CHRM5: variants seen among roughly 807,000 people sequenced by gnomAD.
CHRM5 encodes muscarinic acetylcholine receptor M5.
CHRM5 carries 18 observed loss-of-function variants against 39.0 expected under a neutral mutation model. That is an observed-to-expected ratio of 0.46 (90% CI 0.32 to 0.68). The LOEUF (loss-of-function observed/expected upper bound fraction) is 0.68, where lower values mean the gene tolerates loss of function less well. CHRM5 is among the 30% of genes least tolerant of loss of function. The probability of loss-of-function intolerance (pLI) is 0.04; values close to 1 mark genes in which losing one functional copy is unlikely to be tolerated. For missense variants in CHRM5, 515 were observed against 651.1 expected, an observed-to-expected ratio of 0.79 and a Z score of 2.28; for synonymous variants, 241 against 246.3, an observed-to-expected ratio of 0.98 and a Z score of 0.20.
rs991828180 is a variant in CHRM5, at chr15:34,031,151, A to C, written c.-407-15389A>C. Reference sequence around the variant, plus strand: ...TTTGTAACAGCCTATTATCCCAATTATGCTTTGCTTAGGTTAATTTTTTTT... The same window carrying C: ...TTTGTAACAGCCTATTATCCCAATTCTGCTTTGCTTAGGTTAATTTTTTTT... On this transcript the variant is annotated intron_variant, in intron 1 of 2. Transcript: ENST00000383263. Among the ~76,000 whole-genome samples, 7 of 130,496 alleles carry C rather than the reference A, an allele frequency of 5.4e-5. No individual in the cohort carries two copies. The East Asian group carries it at 1.6e-3, about 29-fold the overall frequency. 85.6% of individuals were successfully genotyped at this position (130,496 alleles called of 152,430 possible). A position where few individuals can be genotyped will look rare whatever the true frequency, so the allele number is the denominator to read the frequency against.
At chr15:34,043,430 G>A (rs911733340) in intron 1 of CHRM5, among the ~76,000 whole-genome samples, 6 of 152,040 alleles carry the variant, frequency 3.9e-5, no homozygotes, top group African/African-American at 7.2e-5. Context: ...CTAGTTTCTC[G>A]TGCTTAATAT....
chr15:33,987,946 C>T (rs1374888659), intron 1 of CHRM5, among the ~76,000 whole-genome samples: 1 of 152,222 alleles, frequency 6.6e-6, no homozygotes, highest in Non-Finnish European at 1.5e-5. Flanking sequence ...TTCTCTGTGA[C>T]TGTCTACACA....
At chr15:34,003,075 C>T (rs1465618932) in intron 1 of CHRM5, 13 of 1,614,016 alleles carry the variant, frequency 8.1e-6, no homozygotes, top group Non-Finnish European at 1.1e-5. Flanking sequence ...CCCTCTGTGA[C>T]TCTCCACTTT....
chr15:34,053,317 AAAATAT>A (rs1461072977), intron 2 of CHRM5, among the ~76,000 whole-genome samples: 1 of 73,814 alleles, frequency 1.4e-5, no homozygotes, highest in Non-Finnish European at 2.8e-5. Flanking sequence ...AAAAAAAAAA[AAAATAT>A]ATATATATAT....
chr15:34,018,736 A>G (rs1204815743), intron 1 of CHRM5, among the ~76,000 whole-genome samples: 3 of 152,248 alleles, frequency 2.0e-5, no homozygotes. Flanking sequence ...GGCCCTGCCC[A>G]CGTCCTACTG....
chr15:34,058,856 A>C (rs1002339361), intron 2 of CHRM5, among the ~76,000 whole-genome samples: 2 of 152,182 alleles, frequency 1.3e-5, no homozygotes, highest in Non-Finnish European at 2.9e-5. Flanking sequence ...AAGTCATAGA[A>C]ATGTAGGTAT....
rs540008467 is a variant in CHRM5, at chr15:34,064,377, A to G, written c.*61A>G. 2 of 1,498,488 alleles carry G rather than the reference A, an allele frequency of 1.3e-6. No individual in the cohort carries two copies. The highest frequency in any genetic ancestry group is 2.8e-5 in the African/African-American group (2 of 71,372). 92.8% of individuals were successfully genotyped at this position (1,498,488 alleles called of 1,614,324 possible). On this transcript the variant is annotated 3_prime_UTR_variant, in exon 3 of 3. Coordinates refer to ENST00000383263, the MANE Select transcript of CHRM5 (RefSeq NM_012125.4). Reference sequence around the variant, plus strand: ...CAGTCAACATCCTCTGAGGATGAGCAAGCTGATTCTGGTTTGTATATTTTC... The same window carrying G: ...CAGTCAACATCCTCTGAGGATGAGCGAGCTGATTCTGGTTTGTATATTTTC...
intron 2 of CHRM5, among the ~76,000 whole-genome samples, chr15:34,047,202 C>A (rs1371475405): frequency 6.6e-6 from 1 of 151,966 alleles, no homozygotes; most frequent in Non-Finnish European, 1.5e-5. Flanking sequence ...CTCAGCCTCC[C>A]GAGTAGCTGG....
rs1402221451 is a variant in CHRM5 at position 34,055,123 on chromosome 15, C to T, written c.-75-7520C>T. Among the ~76,000 whole-genome samples, 8 of 146,370 alleles carry T rather than the reference C, an allele frequency of 5.5e-5. No homozygotes were observed. In the East Asian group the frequency reaches 1.0e-3, roughly 19 times the overall value. On this transcript the variant is annotated intron_variant, in intron 2 of 2. Transcript: ENST00000383263. ...AGGAGAATCACTTGAACCCGGGAGG[C>T]GGCGATTGCGGTGAGCCGAGATCAC...
At chr15:33,996,580 C>T (rs1396752489) in intron 1 of CHRM5, among the ~76,000 whole-genome samples, 25 of 152,220 alleles carry the variant, frequency 1.6e-4, no homozygotes, top group Admixed American at 1.6e-3. Flanking sequence ...GAGTGGACCT[C>T]CCACAAACTC....
rs1470211639 is a variant in CHRM5, at chr15:34,065,104, G to C, written c.*788G>C. 6.1e-6 allele frequency: 1 copy of C among 165,146 alleles called. No individual in the cohort carries two copies. The highest frequency in any genetic ancestry group is 1.5e-5 in the Non-Finnish European group (1 of 68,098). The allele number at this position is 165,146 out of a possible 1,614,324, so 10.2% of individuals were successfully genotyped here. A position where few individuals can be genotyped will look rare whatever the true frequency, so the allele number is the denominator to read the frequency against. ...CAAGTCTCCACAGTCAGTTATTTTA[G>C]TTTTTGCCAGTGGAAATTTTTTCTT... is the stretch of plus-strand genomic sequence containing the variant. On this transcript the variant is annotated 3_prime_UTR_variant, in exon 3 of 3. Transcript: ENST00000383263.
intron 1 of CHRM5, among the ~76,000 whole-genome samples, chr15:34,023,470 C>A (rs1898302432): frequency 6.6e-6 from 1 of 152,180 alleles, no homozygotes; most frequent in Admixed American, 6.5e-5. Flanking sequence ...TCAGGCGCAG[C>A]CCACCTCTCA....
chr15:34,019,447 C>G (rs989836645), intron 1 of CHRM5, among the ~76,000 whole-genome samples: 1 of 152,046 alleles, frequency 6.6e-6, no homozygotes, highest in African/African-American at 2.4e-5. Flanking sequence ...TTAAAAAAAG[C>G]ATAAGTTTAG....
At chr15:34,019,558 C>G (rs186812223) in intron 1 of CHRM5, among the ~76,000 whole-genome samples, 1 of 152,222 alleles carries the variant, frequency 6.6e-6, no homozygotes, top group Non-Finnish European at 1.5e-5. Context: ...TCACTCAGAG[C>G]AACTTTCAGT....
chr15:33,996,566 C>T (rs921503337), intron 1 of CHRM5, among the ~76,000 whole-genome samples: 23 of 152,332 alleles, frequency 1.5e-4, no homozygotes, highest in African/African-American at 4.8e-4. Flanking sequence ...GCAAACAGGG[C>T]CTGGAGTGGA....
intron 2 of CHRM5, among the ~76,000 whole-genome samples, chr15:34,049,062 C>T (rs1301922854): frequency 2.0e-5 from 3 of 152,164 alleles, no homozygotes; most frequent in Non-Finnish European, 4.4e-5. Context: ...TCAGCAACCT[C>T]AAAGCTCAAA....
At chr15:34,057,143 T>TG (rs34543836) in intron 2 of CHRM5, among the ~76,000 whole-genome samples, 4 of 97,100 alleles carry the variant, frequency 4.1e-5, no homozygotes, top group Non-Finnish European at 7.6e-5. Context: ...TTTTTTTTGG[T>TG]TTTTTTTTTT....
chr15:34,043,045 A>G (rs1292809984), intron 1 of CHRM5, among the ~76,000 whole-genome samples: 1 of 152,004 alleles, frequency 6.6e-6, no homozygotes, highest in African/African-American at 2.4e-5. Flanking sequence ...CAGGAGATTG[A>G]GACCATCCTG....
chr15:34,010,609 G>A (rs1026226601), intron 1 of CHRM5, among the ~76,000 whole-genome samples: 2 of 152,078 alleles, frequency 1.3e-5, no homozygotes, highest in African/African-American at 4.8e-5. Flanking sequence ...CACCTCCTAT[G>A]TTCCTCACAA....
Sources: gnomAD v4.1 joint callset for allele counts (sites outside exome capture counted in the v4.1 genomes callset) on GRCh38, gnomAD v4.1.1 for gene constraint, MANE v1.5 for transcripts, NCBI Gene and HGNC (gene_info 2026-07-23, HGNC 2026-07-21) for gene names.